Variants in HDAC9 observed in about 807,000 individuals in gnomAD.
HDAC9 encodes the protein histone deacetylase 9.
HDAC9 carries 41 observed loss-of-function variants against 139.4 expected under a neutral mutation model. The ratio of observed to expected loss-of-function variants is 0.29; its 90% CI spans 0.23 to 0.38. The LOEUF (loss-of-function observed/expected upper bound fraction) is 0.38. Ranked by LOEUF, HDAC9 falls within the 10% of genes least tolerant of loss-of-function variation. The pLI, the probability that HDAC9 is intolerant of heterozygous loss-of-function variation, is 1.00. For missense variants in HDAC9, 1,147 were observed against 1,297.0 expected, an observed-to-expected ratio of 0.88 and a Z score of 1.78; for synonymous variants, 517 against 476.2, an observed-to-expected ratio of 1.09 and a Z score of -1.12.
At chr7:18,180,345 G>A (rs895965994) in intron 2 of HDAC9, among the ~76,000 whole-genome samples, 1 of 151,574 alleles carries the variant, frequency 6.6e-6, no homozygotes, top group African/African-American at 2.4e-5. Context: ...TGTTTGCTCT[G>A]TGTTTCTTTC....
At chr7:18,095,920 A>G (rs557254792) in intron 1 of HDAC9, among the ~76,000 whole-genome samples, 1 of 152,282 alleles carries the variant, frequency 6.6e-6, no homozygotes, top group South Asian at 2.1e-4. Context: ...TATAGATACA[A>G]AAATTGTCCT....
At chr7:18,817,696 G>A (rs1039017126) in intron 17 of HDAC9, among the ~76,000 whole-genome samples, 2 of 152,160 alleles carry the variant, frequency 1.3e-5, no homozygotes, top group East Asian at 3.9e-4. Context: ...CACATGGCAA[G>A]CAAGATGATT....
intron 12 of HDAC9, among the ~76,000 whole-genome samples, chr7:18,690,793 C>T (rs776149735): frequency 6.6e-6 from 1 of 151,960 alleles, no homozygotes; most frequent in African/African-American, 2.4e-5. Context: ...GCAACTAGCA[C>T]ATTTTGGCAT....
At chr7:18,906,582 T>C (rs1480048268) in intron 22 of HDAC9, among the ~76,000 whole-genome samples, 1 of 152,212 alleles carries the variant, frequency 6.6e-6, no homozygotes, top group Non-Finnish European at 1.5e-5. Context: ...AGAGGATCTA[T>C]GGTGGGGAAA....
intron 22 of HDAC9, among the ~76,000 whole-genome samples, chr7:18,877,381 A>G (rs1452852287): frequency 6.6e-6 from 1 of 152,184 alleles, no homozygotes; most frequent in East Asian, 1.9e-4. Flanking sequence ...TCAGGAAGTC[A>G]TCCTTTATTG....
At chr7:18,241,949 C>A (rs1794216495) in intron 2 of HDAC9, among the ~76,000 whole-genome samples, 1 of 152,166 alleles carries the variant, frequency 6.6e-6, no homozygotes, top group Non-Finnish European at 1.5e-5. Flanking sequence ...ATAACCACAG[C>A]AAGTCAGTTC....
intron 25 of HDAC9, among the ~76,000 whole-genome samples, chr7:18,990,726 C>G (rs1432094803): frequency 1.3e-5 from 2 of 152,242 alleles, no homozygotes; most frequent in East Asian, 3.8e-4. Context: ...ACCCTCCGAG[C>G]CATGTGCGGG....
At chr7:18,636,399 A>G (rs1379606454) in intron 8 of HDAC9, among the ~76,000 whole-genome samples, 1 of 138,152 alleles carries the variant, frequency 7.2e-6, no homozygotes. Flanking sequence ...AGCCCAAATC[A>G]TATAACCTCA....
intron 2 of HDAC9, among the ~76,000 whole-genome samples, chr7:18,181,294 C>T (rs1310721995): frequency 6.6e-6 from 1 of 152,142 alleles, no homozygotes; most frequent in African/African-American, 2.4e-5. Flanking sequence ...CTAATATGTG[C>T]CAGACACTGT....
chr7:18,889,609 C>A (rs944012667), intron 22 of HDAC9, among the ~76,000 whole-genome samples: 5 of 152,114 alleles, frequency 3.3e-5, no homozygotes, highest in African/African-American at 1.2e-4. Flanking sequence ...AATGATCAGC[C>A]TGCCAGACCA....
chr7:18,717,716 T>G (rs1035512314), intron 12 of HDAC9, among the ~76,000 whole-genome samples: 1 of 151,714 alleles, frequency 6.6e-6, no homozygotes, highest in Non-Finnish European at 1.5e-5. Context: ...TTTCTTAAAA[T>G]CACAAGGGAT....
At chr7:18,138,261 T>C (rs1785593593) in intron 1 of HDAC9, among the ~76,000 whole-genome samples, 2 of 152,164 alleles carry the variant, frequency 1.3e-5, no homozygotes, top group South Asian at 4.1e-4. Flanking sequence ...AACCAGCTCC[T>C]GGATTCATTC....
intron 2 of HDAC9, among the ~76,000 whole-genome samples, chr7:18,553,216 C>T (rs930610994): frequency 2.6e-5 from 4 of 152,038 alleles, no homozygotes; most frequent in Non-Finnish European, 5.9e-5. Flanking sequence ...TCACAACCTT[C>T]CTGTTTTACG....
chr7:18,771,410 C>T (rs556812491), intron 16 of HDAC9, among the ~76,000 whole-genome samples: 4 of 152,110 alleles, frequency 2.6e-5, no homozygotes, highest in East Asian at 3.9e-4. Flanking sequence ...TTTCTGCAAA[C>T]GTTTCAGTTG....
At chr7:18,592,210 C>T (rs891098188) in intron 5 of HDAC9, among the ~76,000 whole-genome samples, 26 of 151,816 alleles carry the variant, frequency 1.7e-4, no homozygotes, top group African/African-American at 6.3e-4. Context: ...AAATAAATAA[C>T]TCTAAGTCTT....
chr7:18,834,601 A>T (rs2129210036), intron 19 of HDAC9, among the ~76,000 whole-genome samples: 1 of 151,078 alleles, frequency 6.6e-6, no homozygotes, highest in Non-Finnish European at 1.5e-5. Context: ...AAGGCTGTAA[A>T]GAAAGCTATG....
chr7:18,690,777 C>T (rs935718664), intron 12 of HDAC9, among the ~76,000 whole-genome samples: 5 of 151,922 alleles, frequency 3.3e-5, no homozygotes, highest in African/African-American at 9.7e-5. Context: ...ACAAGACGTA[C>T]GGCATGCAAC....
chr7:18,576,531 G>A (rs762489118), intron 2 of HDAC9, among the ~76,000 whole-genome samples: 7 of 151,740 alleles, frequency 4.6e-5, no homozygotes, highest in Non-Finnish European at 7.4e-5. Context: ...GCATGCTGGT[G>A]CACACCTGTA....
At chr7:18,318,590 A>G (rs545610292) in intron 1 of HDAC9, among the ~76,000 whole-genome samples, 10 of 152,178 alleles carry the variant, frequency 6.6e-5, no homozygotes, top group Non-Finnish European at 1.5e-4. Context: ...AAACTGTTCT[A>G]TTGTTGATTT....
Sources: allele counts gnomAD v4.1 joint callset (sites outside exome capture counted in the v4.1 genomes callset), GRCh38; gene constraint gnomAD v4.1.1; transcripts MANE v1.5; gene names NCBI Gene and HGNC (gene_info 2026-07-23, HGNC 2026-07-21).